Variants in NCKAP5 observed in about 807,000 individuals in gnomAD.
NCKAP5 encodes the protein nck-associated protein 5.
A neutral mutation model predicts 167.0 loss-of-function variants in NCKAP5; 92 were observed. The observed-to-expected ratio is 0.55, with a 90% CI of 0.47 to 0.66. The LOEUF (loss-of-function observed/expected upper bound fraction) is 0.66. NCKAP5 is among the 30% of genes least tolerant of loss of function. The probability of loss-of-function intolerance (pLI) is 0.00; values close to 1 mark genes in which losing one functional copy is unlikely to be tolerated. For missense variants in NCKAP5, 2,378 were observed against 2,315.0 expected (o/e 1.03, Z -0.56); for synonymous variants, 891 against 877.4 (o/e 1.02, Z -0.27).
At chr2:132,749,362 C>G (rs1236483289) in intron 16 of NCKAP5, among the ~76,000 whole-genome samples, 1 of 151,964 alleles carries the variant, frequency 6.6e-6, no homozygotes, top group Non-Finnish European at 1.5e-5. Flanking sequence ...AGCCACCATG[C>G]CTGGCTAATT....
At chr2:133,249,259 G>A (rs112871836) in intron 4 of NCKAP5, among the ~76,000 whole-genome samples, 54 of 152,254 alleles carry the variant, frequency 3.5e-4, no homozygotes, top group Middle Eastern at 3.4e-3. Context: ...ATTAACAAAG[G>A]TCCTTGTGAA....
chr2:133,586,880 G>T, the NCKAP5 span, among the ~76,000 whole-genome samples: 1 of 151,882 alleles, frequency 6.6e-6, no homozygotes, highest in Non-Finnish European at 1.5e-5. Context: ...AACTGGAAAG[G>T]GCATGGCCAG....
intron 11 of NCKAP5, among the ~76,000 whole-genome samples, chr2:132,800,534 C>A (rs1213170409): frequency 6.6e-6 from 1 of 152,162 alleles, no homozygotes; most frequent in Non-Finnish European, 1.5e-5. Flanking sequence ...TCTTTTTACT[C>A]ATATGCTTCC....
At chr2:133,481,769 C>G (rs1322656663) in intron 3 of NCKAP5, among the ~76,000 whole-genome samples, 2 of 152,142 alleles carry the variant, frequency 1.3e-5, no homozygotes, top group African/African-American at 4.8e-5. Flanking sequence ...TGATCTCATT[C>G]TTTTTTATGC....
At chr2:132,680,042 A>C (rs1198941543) in intron 19 of NCKAP5, among the ~76,000 whole-genome samples, 4 of 152,158 alleles carry the variant, frequency 2.6e-5, no homozygotes, top group Admixed American at 6.5e-5. Flanking sequence ...ATGAGACATA[A>C]AAATAGATAG....
At chr2:133,458,077 T>G (rs902374916) in intron 3 of NCKAP5, among the ~76,000 whole-genome samples, 1 of 152,140 alleles carries the variant, frequency 6.6e-6, no homozygotes, top group Admixed American at 6.5e-5. Context: ...CTGAGATCCA[T>G]GAACATCAGC....
chr2:132,926,630 A>G (rs867882966), intron 8 of NCKAP5, among the ~76,000 whole-genome samples: 1 of 152,130 alleles, frequency 6.6e-6, no homozygotes, highest in Non-Finnish European at 1.5e-5. Context: ...CCAGTAATTA[A>G]TGTTTAGCAT....
chr2:133,399,393 A>C (rs549200345), intron 3 of NCKAP5, among the ~76,000 whole-genome samples: 37 of 152,184 alleles, frequency 2.4e-4, no homozygotes, highest in East Asian at 9.7e-4. Flanking sequence ...ATTAAAAAAA[A>C]AAAACAAAAC....
At chr2:133,446,644 C>A (rs17746516) in intron 3 of NCKAP5, among the ~76,000 whole-genome samples, 13,872 of 152,230 alleles carry the variant, frequency 0.091, 836 homozygotes, top group Middle Eastern at 0.14. Context: ...GAGCCTCGTC[C>A]TGAGCATGCT....
In NCKAP5 at chr2:133,460,128, C is replaced by T. The variant is rs190215123; in HGVS notation, c.69+57330G>A. ...TCCATTGGATGCATAAATAAGAGCC[C>T]TCTAACTACATTTTCCTCTTGCTAC... On this transcript the variant is annotated intron_variant, in intron 3 of 19. Coordinates refer to ENST00000409261, the MANE Select transcript of NCKAP5 (RefSeq NM_207363.3). Among the ~76,000 whole-genome samples, 4 of 152,276 alleles carry T rather than the reference C, an allele frequency of 2.6e-5. 1 individual carries two copies. The highest frequency in any genetic ancestry group is 2.0e-4 in the Admixed American group (3 of 15,286).
intron 3 of NCKAP5, among the ~76,000 whole-genome samples, chr2:133,510,999 T>G (rs1251397674): frequency 6.6e-6 from 1 of 152,218 alleles, no homozygotes; most frequent in Non-Finnish European, 1.5e-5. Flanking sequence ...CTCCATAAAT[T>G]TCAGCTACTA....
chr2:133,644,283 T>G, the NCKAP5 span, among the ~76,000 whole-genome samples: 5 of 152,120 alleles, frequency 3.3e-5, no homozygotes, highest in East Asian at 9.6e-4. Context: ...GTCTCTCAGC[T>G]GGGACATCAG....
At chr2:132,897,250 T>C (rs1362533763) in intron 8 of NCKAP5, among the ~76,000 whole-genome samples, 6 of 152,278 alleles carry the variant, frequency 3.9e-5, no homozygotes. Context: ...TTTGATGCAA[T>C]CTGTTGAGCA....
At chr2:132,771,709 G>T (rs1261613101) in intron 16 of NCKAP5, among the ~76,000 whole-genome samples, 11 of 150,004 alleles carry the variant, frequency 7.3e-5, no homozygotes, top group African/African-American at 2.5e-4. Context: ...GTCTCGCTCT[G>T]TCACCCAGGC....
intron 6 of NCKAP5, among the ~76,000 whole-genome samples, chr2:133,113,202 G>GT (rs74914476): frequency 0.032 from 4,588 of 142,914 alleles, 173 homozygotes; most frequent in African/African-American, 0.098. Flanking sequence ...CACAATTGGA[G>GT]TTTTTTTTTT....
chr2:133,260,953 T>G (rs2088876202), intron 4 of NCKAP5, among the ~76,000 whole-genome samples: 1 of 152,192 alleles, frequency 6.6e-6, no homozygotes, highest in Non-Finnish European at 1.5e-5. Flanking sequence ...GAAAAAAATG[T>G]TGGTAGTTTA....
intron 5 of NCKAP5, among the ~76,000 whole-genome samples, chr2:133,153,813 A>T (rs1299621136): frequency 6.9e-6 from 1 of 145,764 alleles, no homozygotes; most frequent in East Asian, 2.0e-4. Context: ...TCCGAGGCCC[A>T]CTTCAAATAG....
chr2:133,623,640 A>C, the NCKAP5 span, among the ~76,000 whole-genome samples: 380 of 152,198 alleles, frequency 2.5e-3, 1 homozygote, highest in Non-Finnish European at 3.6e-3. Flanking sequence ...AATAAAAAAA[A>C]AAAAAAGATG....
chr2:133,358,830 G>A (rs1684910228), intron 3 of NCKAP5, among the ~76,000 whole-genome samples: 1 of 152,150 alleles, frequency 6.6e-6, no homozygotes, highest in Admixed American at 6.5e-5. Context: ...GGACTCAGGT[G>A]GGAAAAATAT....
Sources: allele counts gnomAD v4.1 joint callset (sites outside exome capture counted in the v4.1 genomes callset), GRCh38; gene constraint gnomAD v4.1.1; transcripts MANE v1.5; gene names NCBI Gene and HGNC (gene_info 2026-07-23, HGNC 2026-07-21).